ANTXR1: variants seen among roughly 807,000 people sequenced by gnomAD.
ANTXR1 encodes the protein ANTXR cell adhesion molecule 1.
In ANTXR1, 19 loss-of-function variants were observed where a neutral mutation model predicts 78.1. The observed-to-expected ratio is 0.24, with a 90% CI of 0.17 to 0.36. The LOEUF is 0.36. ANTXR1 is among the 10% of genes least tolerant of loss of function. The probability of loss-of-function intolerance (pLI) is 1.00; values close to 1 mark genes in which losing one functional copy is unlikely to be tolerated. For missense variants in ANTXR1, 518 were observed against 718.6 expected (o/e 0.72, Z 3.19); for synonymous variants, 273 against 260.5 (o/e 1.05, Z -0.46).
chr2:69,033,189 G>A (rs546232093), intron 1 of ANTXR1, among the ~76,000 whole-genome samples: 1 of 152,332 alleles, frequency 6.6e-6, no homozygotes, highest in African/African-American at 2.4e-5. Flanking sequence ...CCAACTCAAA[G>A]TACAGTGCTC....
At chr2:69,199,525 A>G (rs887116946) in intron 17 of ANTXR1, among the ~76,000 whole-genome samples, 1 of 152,206 alleles carries the variant, frequency 6.6e-6, no homozygotes, top group Non-Finnish European at 1.5e-5. Context: ...GAAATCTCCC[A>G]TCTTCACATA....
chr2:69,185,481 A>C (rs1477115561), intron 16 of ANTXR1, among the ~76,000 whole-genome samples: 1 of 151,710 alleles, frequency 6.6e-6, no homozygotes, highest in Middle Eastern at 3.2e-3. Context: ...CAGAGGTTGC[A>C]GTGAGCTGAG....
At chr2:69,224,164 T>C (rs1675387455) in intron 17 of ANTXR1, among the ~76,000 whole-genome samples, 1 of 152,186 alleles carries the variant, frequency 6.6e-6, no homozygotes, top group Non-Finnish European at 1.5e-5. Context: ...ACAAATAGGA[T>C]CTCCTCAGAA....
intron 17 of ANTXR1, among the ~76,000 whole-genome samples, chr2:69,200,827 A>T (rs1674757377): frequency 6.6e-6 from 1 of 152,226 alleles, no homozygotes; most frequent in South Asian, 2.1e-4. Flanking sequence ...TTACAGAAGC[A>T]TAAACCCATT....
chr2:69,221,797 G>T lies in ANTXR1; in HGVS notation c.1435-23428G>T, dbSNP rs139792088. 1.1e-3 allele frequency among the ~76,000 whole-genome samples: 161 copies of T among 152,266 alleles called. 1 individual carries two copies. The highest frequency in any genetic ancestry group is 3.6e-3 in the African/African-American group (151 of 41,560). ...TACTTTGCAAATAATAACAATGGCT[G>T]TGTGGAGTTAGTGAGCCCAGGATTT... On this transcript the variant is annotated intron_variant, in intron 17 of 17. Coordinates refer to ENST00000303714, the MANE Select transcript of ANTXR1 (RefSeq NM_032208.3).
intron 8 of ANTXR1, among the ~76,000 whole-genome samples, chr2:69,078,208 A>G (rs1213682453): frequency 6.6e-6 from 1 of 152,112 alleles, no homozygotes; most frequent in Non-Finnish European, 1.5e-5. Flanking sequence ...TCCAAATAGA[A>G]TATTGGATGC....
chr2:69,029,118 A>G (rs967875640), intron 1 of ANTXR1, among the ~76,000 whole-genome samples: 1 of 151,276 alleles, frequency 6.6e-6, no homozygotes, highest in African/African-American at 2.4e-5. Flanking sequence ...TGTCCCAGCT[A>G]CTCAGGAGGC....
chr2:69,241,273 G>A (rs768166392), intron 17 of ANTXR1, among the ~76,000 whole-genome samples: 1 of 152,136 alleles, frequency 6.6e-6, no homozygotes, highest in Non-Finnish European at 1.5e-5. Flanking sequence ...GAGAACATCT[G>A]GCCTTTCTAT....
intron 1 of ANTXR1, among the ~76,000 whole-genome samples, chr2:69,030,907 G>GAA (rs567173253): frequency 6.6e-6 from 1 of 152,004 alleles, no homozygotes; most frequent in African/African-American, 2.4e-5. Context: ...CAGAAATTTA[G>GAA]AAAAAAACGA....
chr2:69,021,865 G>A (rs527619118), intron 1 of ANTXR1, among the ~76,000 whole-genome samples: 1 of 152,290 alleles, frequency 6.6e-6, no homozygotes, highest in South Asian at 2.1e-4. Flanking sequence ...TGGATATACA[G>A]CATTCATCAA....
chr2:69,154,515 G>C (rs1384859869), intron 13 of ANTXR1, among the ~76,000 whole-genome samples: 2 of 152,270 alleles, frequency 1.3e-5, no homozygotes, highest in East Asian at 1.9e-4. Context: ...TCCCATCAGA[G>C]TTTCATTCAG....
intron 13 of ANTXR1, among the ~76,000 whole-genome samples, chr2:69,169,229 C>G (rs1296845039): frequency 2.6e-5 from 4 of 152,352 alleles, no homozygotes; most frequent in Non-Finnish European, 1.5e-5. Context: ...ACTACAAAGG[C>G]AGCACCTGAT....
rs150558272 is a variant in ANTXR1 at position 69,242,436 on chromosome 2, G to A, written c.1435-2789G>A. Reference sequence around the variant, plus strand: ...TGGCAGAAGAAGGCTGGGAGCTCCCGATTTTGTCTCTGGACAAAACAGCCT... The same window carrying A: ...TGGCAGAAGAAGGCTGGGAGCTCCCAATTTTGTCTCTGGACAAAACAGCCT... On this transcript the variant is annotated intron_variant, in intron 17 of 17. Coordinates refer to ENST00000303714, the MANE Select transcript of ANTXR1 (RefSeq NM_032208.3). Among the ~76,000 whole-genome samples, 10 of 152,294 alleles carry A rather than the reference G, an allele frequency of 6.6e-5. No homozygotes were observed. The East Asian group carries it at 1.7e-3, about 26-fold the overall frequency.
At chr2:69,193,524 A>G in intron 17 of ANTXR1, 109 bp downstream of exon 17, 1 of 1,046,368 alleles carries the variant, frequency 9.6e-7, no homozygotes, top group East Asian at 2.5e-5. Flanking sequence ...TTGTAGAGCT[A>G]AAATAACTTT....
chr2:69,135,131 C>G, intron 12 of ANTXR1: 1 of 349,638 alleles, frequency 2.9e-6, no homozygotes, highest in Non-Finnish European at 6.1e-6. Context: ...TTTGACAACC[C>G]TTGTAACCCT....
At chr2:69,153,690 C>T (rs775402919) in intron 13 of ANTXR1, among the ~76,000 whole-genome samples, 1 of 152,180 alleles carries the variant, frequency 6.6e-6, no homozygotes, top group Non-Finnish European at 1.5e-5. Flanking sequence ...AGCACATTTT[C>T]AAGTCTAGAA....
At chr2:69,081,746 C>T (rs904528049) in intron 8 of ANTXR1, among the ~76,000 whole-genome samples, 1 of 152,158 alleles carries the variant, frequency 6.6e-6, no homozygotes, top group African/African-American at 2.4e-5. Flanking sequence ...GACTCTAGAG[C>T]CCATGATTTT....
intron 3 of ANTXR1, among the ~76,000 whole-genome samples, chr2:69,049,236 A>C (rs1454986945): frequency 6.6e-6 from 1 of 152,140 alleles, no homozygotes. Context: ...CCTGCCAAAA[A>C]AAGAGCTTCA....
intron 8 of ANTXR1, among the ~76,000 whole-genome samples, chr2:69,089,828 AGTAAAGATACTGCAT>A (rs1297156510): frequency 6.6e-6 from 1 of 152,230 alleles, no homozygotes; most frequent in Non-Finnish European, 1.5e-5. Flanking sequence ...TTCCAAATTA[AGTAAAGATACTGCAT>A]TTGGTTGGTA....
Sources: gnomAD v4.1 joint callset for allele counts (sites outside exome capture counted in the v4.1 genomes callset) on GRCh38, gnomAD v4.1.1 for gene constraint, MANE v1.5 for transcripts, NCBI Gene and HGNC (gene_info 2026-07-23, HGNC 2026-07-21) for gene names.